CHSY1: variants seen among roughly 807,000 people sequenced by gnomAD.
CHSY1 encodes N-acetylgalactosaminyl-proteoglycan 3-beta-glucuronosyltransferase 1.
In CHSY1, 13 loss-of-function variants were observed where a neutral mutation model predicts 59.8. The ratio of observed to expected loss-of-function variants is 0.22; its 90% confidence interval spans 0.14 to 0.35. The LOEUF (loss-of-function observed/expected upper bound fraction) is 0.35. Among genes scored for constraint, CHSY1 ranks in the 10% least tolerant of loss-of-function variants. The pLI is 1.00. For synonymous variants in CHSY1, 459 were observed against 401.2 expected (o/e 1.14, Z -1.72); for missense variants, 947 against 1,030.6 (o/e 0.92, Z 1.11).
intron 2 of CHSY1, among the ~76,000 whole-genome samples, chr15:101,211,506 A>C (rs1195945735): frequency 6.6e-6 from 1 of 152,176 alleles, no homozygotes; most frequent in Non-Finnish European, 1.5e-5. Context: ...GTAACTAGAG[A>C]CCCAGAAACA....
intron 1 of CHSY1, among the ~76,000 whole-genome samples, chr15:101,237,805 T>C (rs2038962374): frequency 6.6e-6 from 1 of 152,202 alleles, no homozygotes; most frequent in South Asian, 2.1e-4. Context: ...CCAAGAAAAA[T>C]GTATCGTGGA....
chr15:101,183,537 C>T (rs1315179160), intron 2 of CHSY1, among the ~76,000 whole-genome samples: 1 of 152,190 alleles, frequency 6.6e-6, no homozygotes, highest in African/African-American at 2.4e-5. Context: ...ATACTCAGGA[C>T]TCAATTTTAC....
intron 2 of CHSY1, among the ~76,000 whole-genome samples, chr15:101,203,008 TA>T (rs2038588981): frequency 1.3e-5 from 2 of 152,236 alleles, no homozygotes; most frequent in Admixed American, 1.3e-4. Flanking sequence ...AAAACATTAC[TA>T]GTGCTGGTTA....
At chr15:101,189,623 G>C (rs774608338) in intron 2 of CHSY1, 9 of 222,366 alleles carry the variant, frequency 4.0e-5, no homozygotes, top group Non-Finnish European at 5.3e-5. Context: ...AGAGAAAAAA[G>C]AAATACAAGC....
At position 101,178,789 on chromosome 15, in the gene CHSY1, G is replaced by C; in HGVS notation, c.1008C>G (p.Arg336=). Residue 336 remains arginine (R), a synonymous_variant, in exon 3 of 3, where the codon CGC becomes CGG. Coordinates refer to ENST00000254190, the MANE Select transcript of CHSY1 (RefSeq NM_014918.5). ...ELRHRTIQLH[R]EIVLMSKYSN... is the part of the protein sequence containing the mutation. ...TGTATTTGCTCATCAGGACAATTTC[G>C]CGGTGCAGCTGTATTGTGCGATGGC... is the stretch of plus-strand genomic sequence containing the variant. 2 of 1,614,188 alleles carry C rather than the reference G, an allele frequency of 1.2e-6. No individual in the cohort carries two copies. Among genetic ancestry groups the C allele is most frequent in the Non-Finnish European group, 1.7e-6 (2 of 1,180,040 alleles).
intron 2 of CHSY1, among the ~76,000 whole-genome samples, chr15:101,179,377 C>A (rs2038243940): frequency 6.6e-6 from 1 of 152,182 alleles, no homozygotes; most frequent in South Asian, 2.1e-4. Flanking sequence ...AATAGCAGAT[C>A]CTGCGGCTTC....
chr15:101,238,932 A>C (rs2141277969), intron 1 of CHSY1, among the ~76,000 whole-genome samples: 1 of 152,310 alleles, frequency 6.6e-6, no homozygotes, highest in South Asian at 2.1e-4. Flanking sequence ...TCCTTTTGCA[A>C]ATGCGACAAT....
At chr15:101,179,507 C>A (rs1196851554) in intron 2 of CHSY1, among the ~76,000 whole-genome samples, 1 of 152,182 alleles carries the variant, frequency 6.6e-6, no homozygotes, top group East Asian at 1.9e-4. Context: ...AGGCAGGAGG[C>A]GGCCTGGCCC....
chr15:101,180,169 C>T (rs117526781), intron 2 of CHSY1, among the ~76,000 whole-genome samples: 2 of 152,338 alleles, frequency 1.3e-5, no homozygotes, highest in East Asian at 1.9e-4. Flanking sequence ...TAAATGGGCA[C>T]TTTTATACCT....
At chr15:101,185,582 C>T (rs2038349736) in intron 2 of CHSY1, among the ~76,000 whole-genome samples, 1 of 146,996 alleles carries the variant, frequency 6.8e-6, no homozygotes, top group Non-Finnish European at 1.5e-5. Context: ...CCAGGTAGCC[C>T]TCCCATGTGA....
At chr15:101,236,492 G>A (rs1031156820) in intron 1 of CHSY1, among the ~76,000 whole-genome samples, 5 of 152,116 alleles carry the variant, frequency 3.3e-5, no homozygotes, top group African/African-American at 1.2e-4. Context: ...TGATTGTGAG[G>A]CCTCCCCAGC....
chr15:101,246,334 C>T lies in CHSY1; in HGVS notation c.320+4803G>A, dbSNP rs148721716. Among the ~76,000 whole-genome samples, 103 of 143,996 alleles carry T rather than the reference C, an allele frequency of 7.2e-4. 1 individual carries two copies. The highest frequency in any genetic ancestry group is 3.7e-3 in the Middle Eastern group (1 of 272). The allele number at this position is 143,996 out of a possible 152,430, so 94.5% of individuals were successfully genotyped here. On this transcript the variant is annotated intron_variant, in intron 1 of 2. Coordinates refer to ENST00000254190, the MANE Select transcript of CHSY1 (RefSeq NM_014918.5). ...TCAAGGTTCTGGGCATAAAAATGGA[C>T]GAATAAGCAAAATACGTGTGGCTTT... is the stretch of plus-strand genomic sequence containing the variant.
chr15:101,176,561 C>T lies in CHSY1; in HGVS notation c.*827G>A. 1 of 396,176 alleles carries T rather than the reference C, an allele frequency of 2.5e-6. No individual in the cohort carries two copies. The highest frequency in any genetic ancestry group is 4.4e-6 in the Non-Finnish European group (1 of 225,036). The allele number at this position is 396,176 out of a possible 1,614,324, so 24.5% of individuals were successfully genotyped here. A position where few individuals can be genotyped will look rare whatever the true frequency, so the allele number is the denominator to read the frequency against. On this transcript the variant is annotated 3_prime_UTR_variant, in exon 3 of 3. Transcript: ENST00000254190. ...GAGAACAGCCACATACCTCACTGTGCCTTCTTCACGCCCCTTGCTTTAAAA... is the reference window on the plus strand; with the variant it reads ...GAGAACAGCCACATACCTCACTGTGTCTTCTTCACGCCCCTTGCTTTAAAA...
intron 2 of CHSY1, among the ~76,000 whole-genome samples, chr15:101,234,416 G>C (rs1190808694): frequency 2.0e-5 from 3 of 152,296 alleles, no homozygotes; most frequent in African/African-American, 7.2e-5. Context: ...AACAAATAGG[G>C]AGATATCCTA....
intron 1 of CHSY1, among the ~76,000 whole-genome samples, chr15:101,238,059 G>T (rs536559181): frequency 6.6e-6 from 1 of 152,340 alleles, no homozygotes. Flanking sequence ...GAGCTGGAAT[G>T]TGTGTGGACA....
At chr15:101,245,627 G>A (rs1054897909) in intron 1 of CHSY1, among the ~76,000 whole-genome samples, 8 of 152,130 alleles carry the variant, frequency 5.3e-5, no homozygotes, top group African/African-American at 1.7e-4. Flanking sequence ...AAACAGTCAC[G>A]CACAATCCGC....
rs528486916 is a variant in CHSY1 at position 101,201,994 on chromosome 15, G to C, written c.817-23014C>G. On this transcript the variant is annotated intron_variant, in intron 2 of 2. Transcript: ENST00000254190. ...CTCAACACACTTCAGCTTTCAATCG[G>C]GGCTAAATTATGGGACAGACTGCAT... Among the ~76,000 whole-genome samples, 4 of 152,334 alleles carry C rather than the reference G, an allele frequency of 2.6e-5. No homozygotes were observed. The East Asian group carries it at 7.7e-4, about 29-fold the overall frequency.
intron 2 of CHSY1, among the ~76,000 whole-genome samples, chr15:101,220,015 A>C (rs1368253807): frequency 2.0e-5 from 3 of 152,120 alleles, no homozygotes; most frequent in South Asian, 2.1e-4. Context: ...CGGCCTCCCA[A>C]AGTGCTGGGA....
intron 2 of CHSY1, among the ~76,000 whole-genome samples, chr15:101,204,129 T>C (rs1184284926): frequency 5.3e-5 from 8 of 152,164 alleles, no homozygotes; most frequent in Non-Finnish European, 7.3e-5. Flanking sequence ...AACTTCCAAA[T>C]GGTTCAGAAA....
Sources: allele counts gnomAD v4.1 joint callset (sites outside exome capture counted in the v4.1 genomes callset), GRCh38; gene constraint gnomAD v4.1.1; transcripts MANE v1.5; gene names NCBI Gene and HGNC (gene_info 2026-07-23, HGNC 2026-07-21).